C4orf36: variants seen among roughly 807,000 people sequenced by gnomAD.
C4orf36 encodes the protein uncharacterized protein C4orf36.
C4orf36 carries 11 observed loss-of-function variants against 12.2 expected under a neutral mutation model. That is an observed-to-expected ratio of 0.90 (90% CI 0.57 to 1.49). The LOEUF is 1.49. C4orf36 is among the 40% of genes most tolerant of loss of function. C4orf36 has a pLI of 0.00. For synonymous variants in C4orf36, 54 were observed against 51.3 expected (o/e 1.05, Z -0.22); for missense variants, 137 against 133.9 (o/e 1.02, Z -0.11).
In C4orf36 at chr4:86,892,395, C is replaced by CAG; in HGVS notation, c.-287_-286insCT. 1.0e-6 allele frequency: 1 copy of CAG among 985,602 alleles called. No individual in the cohort carries two copies. The highest frequency in any genetic ancestry group is 1.2e-6 in the Non-Finnish European group (1 of 830,076). 61.1% of individuals were successfully genotyped at this position (985,602 alleles called of 1,614,324 possible). A position where few individuals can be genotyped will look rare whatever the true frequency, so the allele number is the denominator to read the frequency against. The stretch of plus-strand genomic sequence containing the variant: ...GGGCCGCGCCGCAGGCACACGCCTC[C>CAG]TTCCCGCTCGCCGCGGGCGCCGAGT... On this transcript the variant is annotated 5_prime_UTR_variant, in exon 1 of 5. Transcript: ENST00000295898.
intron 1 of C4orf36, 68 bp downstream of exon 1, chr4:86,892,115 T>G (rs2149424740): frequency 3.0e-6 from 3 of 985,318 alleles, no homozygotes; most frequent in Non-Finnish European, 3.6e-6. Flanking sequence ...CCGGGACGGG[T>G]GGGGGCCTCG....
At chr4:86,932,925 T>C in the C4orf36 span, among the ~76,000 whole-genome samples, 1,653 of 152,256 alleles carry the variant, frequency 0.011, 36 homozygotes, top group African/African-American at 0.038. Context: ...AATTTAAGAA[T>C]TCTTGTAAGG....
intron 4 of C4orf36, among the ~76,000 whole-genome samples, chr4:86,877,058 G>T (rs990476324): frequency 6.6e-6 from 1 of 152,178 alleles, no homozygotes; most frequent in Non-Finnish European, 1.5e-5. Context: ...TAAAAAGAAA[G>T]AGTTCAGGCC....
the C4orf36 span, chr4:86,934,489 T>C: frequency 6.6e-6 from 1 of 152,224 alleles, no homozygotes; most frequent in Non-Finnish European, 1.5e-5. Context: ...ATACTTACTT[T>C]TCGGCGCTTC....
chr4:86,904,142 C>A, the C4orf36 span, among the ~76,000 whole-genome samples: 1 of 152,228 alleles, frequency 6.6e-6, no homozygotes, highest in Non-Finnish European at 1.5e-5. Flanking sequence ...CTGGGCACTC[C>A]GGTAGCCCAG....
the C4orf36 span, among the ~76,000 whole-genome samples, chr4:86,908,430 C>T: frequency 5.4e-5 from 8 of 146,800 alleles, no homozygotes; most frequent in Admixed American, 1.4e-4. Flanking sequence ...AAGCTACTTT[C>T]GTTTCTCTAT....
the C4orf36 span, among the ~76,000 whole-genome samples, chr4:86,901,314 G>A: frequency 5.3e-5 from 8 of 151,964 alleles, no homozygotes; most frequent in East Asian, 3.9e-4. Flanking sequence ...GAAAACAACC[G>A]AAGTCCTCAC....
chr4:86,890,240 A>AGGAAGGAG lies in C4orf36; in HGVS notation c.65+1215_65+1216insCTCCTTCC, dbSNP rs67875875. ...AAGGAAGGAAGGAAGGAAGGAAGGA[A>AGGAAGGAG]ACTGAGGTGCAGAGAACAACTTGCC... is the stretch of plus-strand genomic sequence containing the variant. On this transcript the variant is annotated intron_variant, in intron 2 of 4. Coordinates refer to ENST00000295898, the MANE Select transcript of C4orf36 (RefSeq NM_144645.4). 9.3e-4 allele frequency: 347 copies of AGGAAGGAG among 373,926 alleles called. 6 individuals carry two copies. The highest frequency in any genetic ancestry group is 1.3e-3 in the Non-Finnish European group (239 of 181,438). The allele number at this position is 373,926 out of a possible 1,614,324, so 23.2% of individuals were successfully genotyped here.
the C4orf36 span, among the ~76,000 whole-genome samples, chr4:86,922,948 CCTT>C: frequency 6.8e-6 from 1 of 148,082 alleles, no homozygotes; most frequent in Non-Finnish European, 1.5e-5. Flanking sequence ...TCTTCTTCTT[CCTT>C]TTTTTTTTTT....
the C4orf36 span, among the ~76,000 whole-genome samples, chr4:86,900,821 G>A: frequency 1.3e-5 from 2 of 152,242 alleles, no homozygotes; most frequent in South Asian, 2.1e-4. Context: ...AACTGCCTGG[G>A]TTTGGATCCC....
the C4orf36 span, among the ~76,000 whole-genome samples, chr4:86,915,352 C>T: frequency 6.6e-6 from 1 of 152,208 alleles, no homozygotes; most frequent in African/African-American, 2.4e-5. Context: ...GGTTCTGACT[C>T]TTCACATCAG....
chr4:86,890,770 C>A (rs757520933), intron 2 of C4orf36, among the ~76,000 whole-genome samples: 1 of 152,208 alleles, frequency 6.6e-6, no homozygotes, highest in Non-Finnish European at 1.5e-5. Context: ...TGTGTGGTTG[C>A]AACACGTGCT....
At chr4:86,891,921 G>A in intron 1 of C4orf36, 1 of 896,100 alleles carries the variant, frequency 1.1e-6, no homozygotes, top group Non-Finnish European at 1.4e-6. Context: ...AGCGACCAAA[G>A]GCTCTGCCTG....
upstream of C4orf36, among the ~76,000 whole-genome samples, chr4:86,893,381 G>A (rs1302027885): frequency 6.6e-6 from 1 of 152,108 alleles, no homozygotes; most frequent in Non-Finnish European, 1.5e-5. Context: ...CAAGGGGTTC[G>A]AGACCAGCCT....
At chr4:86,932,386 G>A in the C4orf36 span, 6 of 150,984 alleles carry the variant, frequency 4.0e-5, no homozygotes, top group South Asian at 4.2e-4. Flanking sequence ...TATACTTTGC[G>A]AGAATAAGTT....
At position 86,877,353 on chromosome 4, in the gene C4orf36, T is replaced by C. The variant is rs941542399; in HGVS notation, c.*3-910A>G. The stretch of plus-strand genomic sequence containing the variant: ...TAGTCAAAATGTCAGAAAGAACAAA[T>C]AGGAGAGGACAGGTATGTAAAGGAA... On this transcript the variant is annotated intron_variant, in intron 4 of 4. Coordinates refer to ENST00000295898, the MANE Select transcript of C4orf36 (RefSeq NM_144645.4). Among the ~76,000 whole-genome samples the C allele has an allele frequency of 9.2e-5, 14 of 152,102 alleles. 1 individual carries two copies. Among genetic ancestry groups the C allele is most frequent in the Admixed American group, 5.9e-4 (9 of 15,272 alleles).
chr4:86,905,200 C>T, the C4orf36 span, among the ~76,000 whole-genome samples: 2 of 149,098 alleles, frequency 1.3e-5, no homozygotes, highest in East Asian at 3.9e-4. Context: ...TGGTGAAATT[C>T]TGTCTCTACT....
chr4:86,912,895 C>T, the C4orf36 span, among the ~76,000 whole-genome samples: 4 of 150,676 alleles, frequency 2.7e-5, no homozygotes, highest in Non-Finnish European at 4.4e-5. Flanking sequence ...AAGGTTCATT[C>T]TAGTTTTCGC....
At chr4:86,912,937 G>T in the C4orf36 span, among the ~76,000 whole-genome samples, 1 of 147,640 alleles carries the variant, frequency 6.8e-6, no homozygotes, top group Admixed American at 6.7e-5. Context: ...ACCACATTCA[G>T]TTTTTAATTT....
Sources: gnomAD v4.1 joint callset for allele counts (sites outside exome capture counted in the v4.1 genomes callset) on GRCh38, gnomAD v4.1.1 for gene constraint, MANE v1.5 for transcripts, NCBI Gene and HGNC (gene_info 2026-07-23, HGNC 2026-07-21) for gene names.